GALNT13: variants seen among roughly 807,000 people sequenced by gnomAD.
GALNT13 encodes the protein UDP-GalNAc:polypeptide N-acetylgalactosaminyltransferase 13.
In GALNT13, 28 loss-of-function variants were observed where a neutral mutation model predicts 64.2. The ratio of observed to expected loss-of-function variants is 0.44; its 90% CI spans 0.32 to 0.60. The LOEUF (loss-of-function observed/expected upper bound fraction) is 0.60. GALNT13 is among the 20% of genes least tolerant of loss of function. The pLI is 0.05. For synonymous variants in GALNT13, 214 were observed against 224.6 expected, an observed-to-expected ratio of 0.95 and a Z score of 0.42; for missense variants, 577 against 669.8, an observed-to-expected ratio of 0.86 and a Z score of 1.53.
chr2:153,859,889 G>C, the GALNT13 span, among the ~76,000 whole-genome samples: 6 of 152,118 alleles, frequency 3.9e-5, no homozygotes, highest in African/African-American at 1.4e-4. Flanking sequence ...GGCTGAGAAT[G>C]CTACCCAAAT....
At position 154,432,348 on chromosome 2, in the gene GALNT13, A is replaced by G. The variant is rs375110327; in HGVS notation, c.1396-6244A>G. 2.6e-5 allele frequency among the ~76,000 whole-genome samples: 4 copies of G among 152,204 alleles called. No homozygotes were observed. In the East Asian group the frequency reaches 5.8e-4, roughly 22 times the overall value. ...TTCCCTATGCAAAATTTGCAATGAC[A>G]ATCTAAAATCAGATTTTCCTGTGCA... On this transcript the variant is annotated intron_variant, in intron 11 of 12. Coordinates refer to ENST00000392825, the MANE Select transcript of GALNT13 (RefSeq NM_052917.4).
At chr2:154,144,801 G>A (rs1683470266) in intron 4 of GALNT13, among the ~76,000 whole-genome samples, 1 of 151,782 alleles carries the variant, frequency 6.6e-6, no homozygotes, top group African/African-American at 2.4e-5. Context: ...TAACCATCAG[G>A]ACAAATTGAA....
the GALNT13 span, among the ~76,000 whole-genome samples, chr2:153,077,814 T>C: frequency 6.6e-6 from 1 of 152,184 alleles, no homozygotes; most frequent in East Asian, 1.9e-4. Context: ...TTAAGCAAGT[T>C]TCGGGCTATT....
the GALNT13 span, among the ~76,000 whole-genome samples, chr2:153,617,035 A>T: frequency 6.6e-6 from 1 of 151,944 alleles, no homozygotes; most frequent in Non-Finnish European, 1.5e-5. Context: ...CATTGGACAG[A>T]TGTTCTGTAA....
the GALNT13 span, among the ~76,000 whole-genome samples, chr2:153,326,773 G>A: frequency 6.6e-5 from 10 of 152,080 alleles, no homozygotes; most frequent in Admixed American, 2.0e-4. Context: ...TGAAAATCTG[G>A]GTTGAAAATT....
intron 10 of GALNT13, among the ~76,000 whole-genome samples, chr2:154,404,825 G>A (rs1699453675): frequency 6.6e-6 from 1 of 151,760 alleles, no homozygotes; most frequent in Admixed American, 6.6e-5. Flanking sequence ...TCAAGAAATA[G>A]AAGGGTAATT....
chr2:153,196,973 T>C, the GALNT13 span, among the ~76,000 whole-genome samples: 2 of 152,202 alleles, frequency 1.3e-5, no homozygotes, highest in Non-Finnish European at 2.9e-5. Flanking sequence ...GTGGGACAAT[T>C]CTCAGGCTTT....
chr2:153,225,138 C>T, the GALNT13 span, among the ~76,000 whole-genome samples: 3 of 152,084 alleles, frequency 2.0e-5, no homozygotes, highest in African/African-American at 7.2e-5. Flanking sequence ...TACACCATGG[C>T]CAATTAATAT....
the GALNT13 span, among the ~76,000 whole-genome samples, chr2:153,554,160 C>CAA: frequency 0.069 from 7,893 of 115,074 alleles, 348 homozygotes; most frequent in Admixed American, 0.19. Context: ...ACTAAAAATA[C>CAA]AAAAAAAAAA....
At chr2:153,414,111 C>T in the GALNT13 span, among the ~76,000 whole-genome samples, 4 of 152,212 alleles carry the variant, frequency 2.6e-5, no homozygotes, top group African/African-American at 9.6e-5. Flanking sequence ...CTCAGTGGCT[C>T]ACACTTATAA....
At chr2:153,504,305 G>A in the GALNT13 span, among the ~76,000 whole-genome samples, 1 of 152,092 alleles carries the variant, frequency 6.6e-6, no homozygotes, top group Non-Finnish European at 1.5e-5. Flanking sequence ...GAGCTTTCTA[G>A]GTATACAATC....
At chr2:153,266,279 G>T in the GALNT13 span, among the ~76,000 whole-genome samples, 1 of 152,100 alleles carries the variant, frequency 6.6e-6, no homozygotes. Flanking sequence ...ATTCTCAACT[G>T]GAATATTTAT....
intron 3 of GALNT13, among the ~76,000 whole-genome samples, chr2:154,069,838 A>G (rs1700653238): frequency 6.6e-6 from 1 of 152,122 alleles, no homozygotes; most frequent in African/African-American, 2.4e-5. Context: ...CTTGAAATTT[A>G]CAAAATACAT....
intron 3 of GALNT13, among the ~76,000 whole-genome samples, chr2:154,072,429 G>C (rs1700780550): frequency 6.6e-6 from 1 of 152,054 alleles, no homozygotes; most frequent in East Asian, 1.9e-4. Flanking sequence ...TTAGCTTATA[G>C]TTTGTTTTTT....
At chr2:153,308,269 C>G in the GALNT13 span, among the ~76,000 whole-genome samples, 1 of 152,146 alleles carries the variant, frequency 6.6e-6, no homozygotes, top group Admixed American at 6.5e-5. Context: ...GTATTACACA[C>G]TTTCCTACTT....
the GALNT13 span, among the ~76,000 whole-genome samples, chr2:153,179,780 G>C: frequency 6.6e-6 from 1 of 151,996 alleles, no homozygotes; most frequent in South Asian, 2.1e-4. Flanking sequence ...TCCACAGAAA[G>C]TTTTTAATAG....
At chr2:153,569,261 G>T in the GALNT13 span, among the ~76,000 whole-genome samples, 1 of 151,964 alleles carries the variant, frequency 6.6e-6, no homozygotes, top group Non-Finnish European at 1.5e-5. Flanking sequence ...ATTCCAGCCT[G>T]TACGTTCATG....
intron 9 of GALNT13, among the ~76,000 whole-genome samples, chr2:154,383,970 G>C (rs1465291703): frequency 6.6e-6 from 1 of 151,746 alleles, no homozygotes; most frequent in Non-Finnish European, 1.5e-5. Flanking sequence ...TCTGCAAATA[G>C]TAGTTCAGCT....
chr2:154,426,013 A>G (rs1700452156), intron 11 of GALNT13, among the ~76,000 whole-genome samples: 1 of 152,196 alleles, frequency 6.6e-6, no homozygotes, highest in South Asian at 2.1e-4. Flanking sequence ...ACACAAAATT[A>G]TTATTTCACA....
Sources: allele counts gnomAD v4.1 joint callset (sites outside exome capture counted in the v4.1 genomes callset), GRCh38; gene constraint gnomAD v4.1.1; transcripts MANE v1.5; gene names NCBI Gene and HGNC (gene_info 2026-07-23, HGNC 2026-07-21).